The following FRMD4B variants were observed in gnomAD, a reference collection of about 807,000 sequenced individuals.
FRMD4B encodes FERM domain-containing protein 4B.
Under a neutral mutation model 141.5 loss-of-function variants are expected in FRMD4B, and 74 were observed. The ratio of observed to expected loss-of-function variants is 0.52; its 90% CI spans 0.43 to 0.63. The LOEUF (loss-of-function observed/expected upper bound fraction) is 0.63, where lower values mean the gene tolerates loss of function less well. FRMD4B is among the 30% of genes least tolerant of loss of function. FRMD4B has a pLI of 0.00. For missense variants in FRMD4B, 1,366 were observed against 1,253.4 expected (o/e 1.09, Z -1.36); for synonymous variants, 506 against 467.9 (o/e 1.08, Z -1.05).
At chr3:69,315,096 A>G (rs1701759942) in intron 1 of FRMD4B, among the ~76,000 whole-genome samples, 1 of 152,218 alleles carries the variant, frequency 6.6e-6, no homozygotes, top group Non-Finnish European at 1.5e-5. Context: ...TTAGTCCACC[A>G]ACATAGTTTA....
intron 1 of FRMD4B, among the ~76,000 whole-genome samples, chr3:69,362,992 TAA>T (rs11305538): frequency 0.31 from 45,869 of 149,626 alleles, 7,748 homozygotes; most frequent in East Asian, 0.59. Flanking sequence ...CTTTTTACAG[TAA>T]AAAAAAAAAA....
At chr3:69,421,161 C>G (rs968878207) in intron 2 of FRMD4B, among the ~76,000 whole-genome samples, 1 of 152,210 alleles carries the variant, frequency 6.6e-6, no homozygotes, top group African/African-American at 2.4e-5. Flanking sequence ...ACTTGGTCCC[C>G]CTTTTCCTCC....
At chr3:69,206,840 T>C (rs776948037) in intron 11 of FRMD4B, among the ~76,000 whole-genome samples, 2 of 93,868 alleles carry the variant, frequency 2.1e-5, no homozygotes, top group East Asian at 3.2e-4. Context: ...TGTAAATGCA[T>C]TGGGCTTAAT....
At chr3:69,538,517 A>C (rs1480497902) in intron 1 of FRMD4B, among the ~76,000 whole-genome samples, 2 of 152,152 alleles carry the variant, frequency 1.3e-5, no homozygotes, top group African/African-American at 2.4e-5. Context: ...AACTCTTATA[A>C]CATATGATGA....
intron 12 of FRMD4B, chr3:69,197,811 G>A (rs1330218426): frequency 3.3e-5 from 5 of 152,248 alleles, no homozygotes; most frequent in South Asian, 4.2e-4. Flanking sequence ...TAACCATCTC[G>A]GGACTGAAAA....
At chr3:69,209,121 G>A (rs1001004440) in intron 11 of FRMD4B, among the ~76,000 whole-genome samples, 1 of 149,688 alleles carries the variant, frequency 6.7e-6, no homozygotes, top group Non-Finnish European at 1.5e-5. Context: ...TCCAGCCTGG[G>A]CAACAGAGCG....
intron 1 of FRMD4B, among the ~76,000 whole-genome samples, chr3:69,540,636 A>AAAAAAAAAATATATATAT (rs1553652109): frequency 1.4e-5 from 1 of 69,568 alleles, no homozygotes; most frequent in African/African-American, 8.3e-5. Flanking sequence ...AAAAAAAAAA[A>AAAAAAAAAATATATATAT]ATATATATAT....
At chr3:69,319,098 A>G (rs1399850937) in intron 1 of FRMD4B, among the ~76,000 whole-genome samples, 4 of 152,286 alleles carry the variant, frequency 2.6e-5, no homozygotes, top group Admixed American at 6.5e-5. Flanking sequence ...TAGAATTTCA[A>G]CCTCTACACA....
At chr3:69,528,702 C>T (rs1394995800) in intron 1 of FRMD4B, among the ~76,000 whole-genome samples, 1 of 151,968 alleles carries the variant, frequency 6.6e-6, no homozygotes, top group Non-Finnish European at 1.5e-5. Context: ...CAGAAGCCAA[C>T]CCCAAACAAG....
intron 2 of FRMD4B, among the ~76,000 whole-genome samples, chr3:69,425,451 G>C (rs561612143): frequency 6.6e-6 from 1 of 152,274 alleles, no homozygotes; most frequent in African/African-American, 2.4e-5. Context: ...ACACCCTACT[G>C]CCCATGGGGG....
At chr3:69,439,603 G>A (rs1381652612) in intron 1 of FRMD4B, among the ~76,000 whole-genome samples, 3 of 152,164 alleles carry the variant, frequency 2.0e-5, no homozygotes, top group Admixed American at 2.0e-4. Flanking sequence ...GAGAAATGCT[G>A]CTGATTTCTG....
In FRMD4B at chr3:69,278,599, A is replaced by T. The variant is rs563651308; in HGVS notation, c.501+9153T>A. 1.4e-4 allele frequency among the ~76,000 whole-genome samples: 16 copies of T among 113,148 alleles called. No homozygotes were observed. The East Asian group carries it at 5.4e-3, about 38-fold the overall frequency. The allele number at this position is 113,148 out of a possible 152,430, so 74.2% of individuals were successfully genotyped here. A position where few individuals can be genotyped will look rare whatever the true frequency, so the allele number is the denominator to read the frequency against. On this transcript the variant is annotated intron_variant, in intron 5 of 22. Coordinates refer to ENST00000398540, the MANE Select transcript of FRMD4B (RefSeq NM_015123.3). ...GGTGTGAGTCACCCCAGTGGCCCCA[A>T]ATTGCTTTTTTTTTTTTTGCCCTGC...
At chr3:69,253,993 T>C (rs758304219) in intron 5 of FRMD4B, among the ~76,000 whole-genome samples, 2 of 152,136 alleles carry the variant, frequency 1.3e-5, no homozygotes. Flanking sequence ...GGTGGGAGGA[T>C]GGCTTGAGCC....
intron 2 of FRMD4B, among the ~76,000 whole-genome samples, chr3:69,392,983 T>C (rs911335511): frequency 1.3e-5 from 2 of 151,946 alleles, no homozygotes; most frequent in Admixed American, 6.6e-5. Flanking sequence ...AGGAAACACA[T>C]AGAGGTGGTG....
intron 2 of FRMD4B, among the ~76,000 whole-genome samples, chr3:69,421,685 A>G (rs564114217): frequency 1.3e-5 from 2 of 152,328 alleles, no homozygotes; most frequent in Admixed American, 6.5e-5. Context: ...TTAAAAATTC[A>G]CTTCCTCAGT....
intron 1 of FRMD4B, among the ~76,000 whole-genome samples, chr3:69,462,012 A>G (rs1279644596): frequency 3.3e-5 from 5 of 152,158 alleles, no homozygotes; most frequent in Non-Finnish European, 5.9e-5. Context: ...AATCCTCACA[A>G]TATTTTGCTT....
intron 1 of FRMD4B, among the ~76,000 whole-genome samples, chr3:69,478,882 G>A (rs1216547739): frequency 6.6e-6 from 1 of 151,366 alleles, no homozygotes; most frequent in African/African-American, 2.4e-5. Context: ...TATGAATCTG[G>A]GTGCTCCTGT....
intron 1 of FRMD4B, among the ~76,000 whole-genome samples, chr3:69,503,800 T>C (rs1498848): frequency 0.82 from 125,105 of 152,186 alleles, 52,167 homozygotes; most frequent in East Asian, 0.99. Flanking sequence ...TTAGTATTTG[T>C]TACCGGGCAG....
intron 2 of FRMD4B, 60 bp from the exon 3 acceptor site, chr3:69,311,417 C>A: frequency 1.3e-6 from 1 of 758,276 alleles, no homozygotes; most frequent in Admixed American, 2.1e-5. Flanking sequence ...CTGCTACCAC[C>A]TTCCTCTGCC....
Sources: gnomAD v4.1 joint callset for allele counts (sites outside exome capture counted in the v4.1 genomes callset) on GRCh38, gnomAD v4.1.1 for gene constraint, MANE v1.5 for transcripts, NCBI Gene and HGNC (gene_info 2026-07-23, HGNC 2026-07-21) for gene names.